NRG1: variants seen among roughly 807,000 people sequenced by gnomAD.
NRG1 encodes neuregulin 1.
In NRG1, 18 loss-of-function variants were observed where a neutral mutation model predicts 63.8. That is an observed-to-expected ratio of 0.28 (90% CI 0.19 to 0.42). The LOEUF (loss-of-function observed/expected upper bound fraction) is 0.42, where lower values mean the gene tolerates loss of function less well. Ranked by LOEUF, NRG1 falls within the 10% of genes least tolerant of loss-of-function variation. NRG1 has a pLI of 1.00. For missense variants in NRG1, 762 were observed against 814.7 expected (o/e 0.94, Z 0.79); for synonymous variants, 302 against 301.3 (o/e 1.00, Z -0.02).
intron 5 of NRG1, chr8:32,721,886 A>AT (rs889060841): frequency 1.3e-5 from 18 of 1,434,118 alleles, no homozygotes; most frequent in African/African-American, 8.8e-5. Context: ...CCACCTAAGC[A>AT]TTTTTTTCCC....
chr8:31,729,349 G>A (rs763929413), intron 1 of NRG1, among the ~76,000 whole-genome samples: 4 of 151,868 alleles, frequency 2.6e-5, no homozygotes, highest in Admixed American at 1.3e-4. Flanking sequence ...CTCACATGTA[G>A]GTCTTATCTG....
chr8:32,232,578 A>T (rs1847073523), intron 1 of NRG1, among the ~76,000 whole-genome samples: 1 of 152,102 alleles, frequency 6.6e-6, no homozygotes. Context: ...CTACAAAGGG[A>T]AAGGGGGAAA....
chr8:32,704,871 C>T (rs1815934696), intron 5 of NRG1, among the ~76,000 whole-genome samples: 1 of 152,164 alleles, frequency 6.6e-6, no homozygotes, highest in African/African-American at 2.4e-5. Context: ...TACAAAGTCT[C>T]ATCAATGAAA....
intron 1 of NRG1, among the ~76,000 whole-genome samples, chr8:32,066,916 T>C (rs899989299): frequency 6.6e-6 from 1 of 151,972 alleles, no homozygotes; most frequent in African/African-American, 2.4e-5. Context: ...CCCTTGTAAG[T>C]TGGATTCCTA....
chr8:32,178,482 A>C (rs1016778106), intron 1 of NRG1, among the ~76,000 whole-genome samples: 1 of 152,044 alleles, frequency 6.6e-6, no homozygotes, highest in Admixed American at 6.6e-5. Context: ...TGGTGGTGCA[A>C]GCCTGTAATC....
At chr8:32,648,906 G>A (rs1449352774) in intron 5 of NRG1, among the ~76,000 whole-genome samples, 1 of 152,016 alleles carries the variant, frequency 6.6e-6, no homozygotes, top group Non-Finnish European at 1.5e-5. Flanking sequence ...TATCTTAATT[G>A]GTTCTTTGAG....
At chr8:32,733,495 A>G (rs1178880884) in intron 6 of NRG1, among the ~76,000 whole-genome samples, 3 of 152,206 alleles carry the variant, frequency 2.0e-5, no homozygotes, top group Non-Finnish European at 4.4e-5. Flanking sequence ...ATATTTATCA[A>G]ATTATGCCTG....
At chr8:32,458,620 A>C (rs544403240) in intron 1 of NRG1, among the ~76,000 whole-genome samples, 3 of 152,184 alleles carry the variant, frequency 2.0e-5, no homozygotes, top group East Asian at 1.9e-4. Flanking sequence ...TCATGTGTAG[A>C]TATCATACCT....
intron 1 of NRG1, among the ~76,000 whole-genome samples, chr8:31,903,148 C>CTTTTTTTTTTTT (rs35433200): frequency 8.0e-6 from 1 of 125,516 alleles, no homozygotes. Flanking sequence ...GAGCCTTCAA[C>CTTTTTTTTTTTT]TTTTTTTTTT....
At chr8:32,690,067 C>T (rs1811173088) in intron 5 of NRG1, among the ~76,000 whole-genome samples, 1 of 152,088 alleles carries the variant, frequency 6.6e-6, no homozygotes, top group African/African-American at 2.4e-5. Flanking sequence ...CTTTGATATA[C>T]CTTCAACTTT....
chr8:32,369,666 G>A (rs1808552864), intron 1 of NRG1, among the ~76,000 whole-genome samples: 1 of 152,286 alleles, frequency 6.6e-6, no homozygotes, highest in East Asian at 1.9e-4. Context: ...AAAGCTGCAG[G>A]TTGTCTGCCA....
chr8:32,255,010 T>A (rs1849531210), intron 1 of NRG1, among the ~76,000 whole-genome samples: 1 of 152,250 alleles, frequency 6.6e-6, no homozygotes, highest in Non-Finnish European at 1.5e-5. Flanking sequence ...AGACTAGGAT[T>A]GCAACCTCTG....
intron 1 of NRG1, among the ~76,000 whole-genome samples, chr8:31,849,497 C>A (rs1159423263): frequency 6.6e-6 from 1 of 152,202 alleles, no homozygotes; most frequent in African/African-American, 2.4e-5. Flanking sequence ...TCTTGGTCAC[C>A]ATGATGGTGC....
chr8:32,237,607 C>A (rs1447933308), intron 1 of NRG1, among the ~76,000 whole-genome samples: 1 of 151,966 alleles, frequency 6.6e-6, no homozygotes, highest in African/African-American at 2.4e-5. Context: ...GTATGTAAGT[C>A]TTTTCTGCTA....
intron 1 of NRG1, among the ~76,000 whole-genome samples, chr8:32,401,557 G>A (rs931606146): frequency 6.6e-6 from 1 of 151,870 alleles, no homozygotes; most frequent in South Asian, 2.1e-4. Flanking sequence ...GCTGAATTTA[G>A]CTAAAAGGGA....
At chr8:32,396,200 A>G (rs1429162016) in intron 1 of NRG1, among the ~76,000 whole-genome samples, 1 of 152,168 alleles carries the variant, frequency 6.6e-6, no homozygotes, top group Non-Finnish European at 1.5e-5. Context: ...TTTTTTGGCT[A>G]CTGCAGGTTC....
intron 1 of NRG1, among the ~76,000 whole-genome samples, chr8:32,413,506 A>G (rs1815411124): frequency 6.6e-6 from 1 of 152,196 alleles, no homozygotes; most frequent in South Asian, 2.1e-4. Context: ...AAAAACTAAG[A>G]AAACCTTAAT....
chr8:32,024,614 T>C (rs1447820607), intron 1 of NRG1, among the ~76,000 whole-genome samples: 1 of 152,194 alleles, frequency 6.6e-6, no homozygotes, highest in African/African-American at 2.4e-5. Context: ...CCAAGCACCA[T>C]AGTAAATTGG....
At chr8:31,690,695 G>C (rs1335665069) in intron 1 of NRG1, among the ~76,000 whole-genome samples, 2 of 152,156 alleles carry the variant, frequency 1.3e-5, no homozygotes, top group African/African-American at 4.8e-5. Context: ...TGGACAGGTT[G>C]GTTGTGGGAT....
Sources: allele counts gnomAD v4.1 joint callset (sites outside exome capture counted in the v4.1 genomes callset), GRCh38; gene constraint gnomAD v4.1.1; transcripts MANE v1.5; gene names NCBI Gene and HGNC (gene_info 2026-07-23, HGNC 2026-07-21).